Variants in UGT2B7 observed in about 807,000 individuals in gnomAD.
UGT2B7 encodes the protein UDP glucuronosyltransferase family 2 member B7, also known as UDP-glucuronosyltransferase 2B7.
A neutral mutation model predicts 51.9 loss-of-function variants in UGT2B7; 51 were observed. That is an observed-to-expected ratio of 0.98 (90% CI 0.78 to 1.24). The LOEUF (loss-of-function observed/expected upper bound fraction) is 1.24. Ranked by LOEUF, UGT2B7 falls within the 50% of genes most tolerant of loss-of-function variation. The probability of loss-of-function intolerance (pLI) is 0.00; values close to 1 mark genes in which losing one functional copy is unlikely to be tolerated. For synonymous variants in UGT2B7, 225 were observed against 211.6 expected (o/e 1.06, Z -0.55); for missense variants, 727 against 628.4 (o/e 1.16, Z -1.68).
chr4:69,094,855 G>A (rs899484621), upstream of UGT2B7, among the ~76,000 whole-genome samples: 2 of 152,168 alleles, frequency 1.3e-5, no homozygotes, highest in Non-Finnish European at 2.9e-5. Context: ...TATAAAGTAA[G>A]TTTAAGTAAT....
At chr4:69,053,730 A>T (rs1372697401) in intron 1 of UGT2B7, among the ~76,000 whole-genome samples, 1 of 152,144 alleles carries the variant, frequency 6.6e-6, no homozygotes, top group Admixed American at 6.5e-5. Flanking sequence ...ACCTGAAAGG[A>T]TGCAGTGAGC....
intron 1 of UGT2B7, among the ~76,000 whole-genome samples, chr4:69,075,227 G>A (rs1027203839): frequency 1.3e-5 from 2 of 152,010 alleles, no homozygotes; most frequent in African/African-American, 4.8e-5. Flanking sequence ...TTATTAAACC[G>A]TGGTCCCTCC....
At chr4:69,080,571 T>C (rs1014612634) in intron 1 of UGT2B7, among the ~76,000 whole-genome samples, 1 of 151,440 alleles carries the variant, frequency 6.6e-6, no homozygotes. Flanking sequence ...AGAAAATCTA[T>C]CAATGACTAT....
intron 1 of UGT2B7, among the ~76,000 whole-genome samples, chr4:69,077,463 G>T (rs566460167): frequency 6.6e-6 from 1 of 152,168 alleles, no homozygotes; most frequent in African/African-American, 2.4e-5. Context: ...ATTTTCTTAA[G>T]CCGTGGTTTG....
At position 69,089,470 on chromosome 4, in the gene UGT2B7, A is replaced by AT. The variant is rs1275510401; in HGVS notation, c.-158-2_-158-1insT. 1 of 152,178 alleles carries AT rather than the reference A, an allele frequency of 6.6e-6. No individual in the cohort carries two copies. The highest frequency in any genetic ancestry group is 1.5e-5 in the Non-Finnish European group (1 of 68,034). The allele number at this position is 152,178 out of a possible 1,614,324, so 9.4% of individuals were successfully genotyped here. On this transcript the variant is annotated splice_acceptor_variant, in intron 1 of 5. Coordinates refer to the UGT2B7 transcript ENST00000502942. LOFTEE classifies it low-confidence loss of function (5UTR_SPLICE). ...ATGATGCAGAAATTATTTTCTTTGTAGGAAATGAAAGCATTTGTCCAGATC... is the reference window on the plus strand; with the variant it reads ...ATGATGCAGAAATTATTTTCTTTGTATGGAAATGAAAGCATTTGTCCAGATC...
At chr4:69,073,905 A>T (rs537942763) in intron 1 of UGT2B7, among the ~76,000 whole-genome samples, 1 of 152,160 alleles carries the variant, frequency 6.6e-6, no homozygotes, top group East Asian at 1.9e-4. Context: ...CATGTAATCA[A>T]CCTTCATTTC....
rs181559490 is a variant in UGT2B7, at chr4:69,102,412, C to A, written c.871-395C>A. Among the ~76,000 whole-genome samples the A allele has an allele frequency of 1.8e-3, 273 of 152,224 alleles. 2 individuals are homozygous for A. The highest frequency in any genetic ancestry group is 6.4e-3 in the African/African-American group (265 of 41,550). The stretch of plus-strand genomic sequence containing the variant: ...AATAAACACAAGGGATTTAGTAGAA[C>A]AACAATATAGAATTAAAGCTGAGTG... On this transcript the variant is annotated intron_variant, in intron 2 of 5. Coordinates refer to ENST00000305231, the MANE Select transcript of UGT2B7 (RefSeq NM_001074.4).
rs1719391523 is a variant in UGT2B7 at position 69,100,703 on chromosome 4, T to A, written c.870+2015T>A. Among the ~76,000 whole-genome samples, 3 of 152,178 alleles carry A rather than the reference T, an allele frequency of 2.0e-5. No individual in the cohort carries two copies. In the South Asian group the frequency reaches 6.2e-4, roughly 32 times the overall value. ...GGACAAGAAAAGGGATGACTAGTAC[T>A]AAAATAGTGATAATTACTACTACTA... On this transcript the variant is annotated intron_variant, in intron 2 of 5. Transcript: ENST00000305231.
chr4:69,090,392 T>C (rs7663584), intron 2 of UGT2B7, among the ~76,000 whole-genome samples: 87,640 of 151,884 alleles, frequency 0.58, 26,290 homozygotes, highest in African/African-American at 0.71. Context: ...AAAAAACAAA[T>C]TATGTGACAA....
chr4:69,103,061 A>G, intron 3 of UGT2B7, 123 bp downstream of exon 3: 3 of 1,496,640 alleles, frequency 2.0e-6, no homozygotes, highest in Non-Finnish European at 2.7e-6. Context: ...AATTAGAACA[A>G]GGATAATCTT....
intron 1 of UGT2B7, among the ~76,000 whole-genome samples, chr4:69,086,542 T>G (rs1718964263): frequency 6.6e-6 from 1 of 151,898 alleles, no homozygotes; most frequent in East Asian, 1.9e-4. Context: ...TGATTTTCTG[T>G]CTGAATTATA....
intron 4 of UGT2B7, among the ~76,000 whole-genome samples, 176 bp from the exon 5 acceptor site, chr4:69,107,927 G>A (rs372595294): frequency 5.9e-5 from 9 of 152,048 alleles, no homozygotes; most frequent in African/African-American, 1.7e-4. Flanking sequence ...CACACACACC[G>A]TATAGCCTTC....
rs1299562248 is a variant in UGT2B7 at position 69,075,272 on chromosome 4, C to A, written c.-158-14200C>A. On this transcript the variant is annotated intron_variant, in intron 1 of 5. Coordinates refer to the UGT2B7 transcript ENST00000502942. ...GTGGCAAGGCTTGTGGCTTGCTTAG[C>A]AAATAAATTATACTGAAAGTGACAG... Among the ~76,000 whole-genome samples, 6 of 152,086 alleles carry A rather than the reference C, an allele frequency of 3.9e-5. No individual in the cohort carries two copies. In the East Asian group the frequency reaches 1.2e-3, roughly 29 times the overall value.
chr4:69,056,806 A>T (rs1282235120), intron 1 of UGT2B7, among the ~76,000 whole-genome samples: 2 of 152,204 alleles, frequency 1.3e-5, no homozygotes, highest in African/African-American at 4.8e-5. Flanking sequence ...AAGTAACAAA[A>T]ATAAGAGTGA....
At chr4:69,060,980 A>T (rs1374767229) in intron 1 of UGT2B7, among the ~76,000 whole-genome samples, 1 of 152,138 alleles carries the variant, frequency 6.6e-6, no homozygotes, top group Non-Finnish European at 1.5e-5. Context: ...AGCCAGAGAG[A>T]TCTGACAGAT....
intron 1 of UGT2B7, among the ~76,000 whole-genome samples, chr4:69,059,404 C>G (rs1164459009): frequency 6.6e-6 from 1 of 152,166 alleles, no homozygotes; most frequent in Non-Finnish European, 1.5e-5. Context: ...TCAAAAACTG[C>G]AGGTACAGAT....
At position 69,074,332 on chromosome 4, in the gene UGT2B7, G is replaced by A. The variant is rs567106642; in HGVS notation, c.-158-15140G>A. On this transcript the variant is annotated intron_variant, in intron 1 of 5. Coordinates refer to the UGT2B7 transcript ENST00000502942. ...CTCCAGCCTGGACAGCAGAGTGAGA[G>A]AGTCACTTGACCTTGGTAGGTTGAG... Among the ~76,000 whole-genome samples the A allele has an allele frequency of 1.1e-4, 17 of 151,856 alleles. No individual in the cohort carries two copies. In the South Asian group the frequency reaches 3.5e-3, roughly 32 times the overall value.
chr4:69,099,685 T>C (rs2109886122), intron 2 of UGT2B7, among the ~76,000 whole-genome samples: 1 of 152,194 alleles, frequency 6.6e-6, no homozygotes, highest in Non-Finnish European at 1.5e-5. Context: ...ACACTTAAAG[T>C]GTCTCTGGAA....
chr4:69,104,552 CA>C (rs1192762402), intron 3 of UGT2B7, among the ~76,000 whole-genome samples: 1 of 151,956 alleles, frequency 6.6e-6, no homozygotes, highest in Non-Finnish European at 1.5e-5. Flanking sequence ...AGTTCAAAAT[CA>C]AAAATATACA....
Sources: gnomAD v4.1 joint callset for allele counts (sites outside exome capture counted in the v4.1 genomes callset) on GRCh38, gnomAD v4.1.1 for gene constraint, MANE v1.5 for transcripts, NCBI Gene and HGNC (gene_info 2026-07-23, HGNC 2026-07-21) for gene names.